Variants in RYR2 observed in about 807,000 individuals in gnomAD.
RYR2 encodes ryanodine receptor 2, also known as cardiac muscle ryanodine receptor-calcium release channel.
RYR2 carries 227 observed loss-of-function variants against 601.1 expected under a neutral mutation model. That is an observed-to-expected ratio of 0.38 (90% confidence interval 0.34 to 0.42). The LOEUF (loss-of-function observed/expected upper bound fraction) is 0.42. RYR2 is among the 10% of genes least tolerant of loss of function. The probability of loss-of-function intolerance (pLI) is 1.00; values close to 1 mark genes in which losing one functional copy is unlikely to be tolerated. For missense variants in RYR2, 4,646 were observed against 6,156.5 expected (o/e 0.75, Z 8.21); for synonymous variants, 2,223 against 2,175.1 (o/e 1.02, Z -0.61).
intron 84 of RYR2, among the ~76,000 whole-genome samples, chr1:237,761,489 A>C (rs1268941006): frequency 6.6e-6 from 1 of 152,142 alleles, no homozygotes; most frequent in African/African-American, 2.4e-5. Flanking sequence ...CCCTTCCAGC[A>C]CAGTGATCCT....
intron 3 of RYR2, among the ~76,000 whole-genome samples, chr1:237,333,423 G>A (rs962831435): frequency 3.9e-5 from 6 of 152,206 alleles, no homozygotes; most frequent in Admixed American, 2.6e-4. Context: ...CAGCCACAGC[G>A]TTGGAGGAGG....
intron 1 of RYR2, among the ~76,000 whole-genome samples, chr1:237,238,029 A>G (rs1457201766): frequency 7.9e-6 from 1 of 125,852 alleles, no homozygotes; most frequent in African/African-American, 2.9e-5. Flanking sequence ...GTGGCGCATC[A>G]TGGCTTATTG....
chr1:237,203,675 A>G (rs534154693), intron 1 of RYR2, among the ~76,000 whole-genome samples: 2 of 152,338 alleles, frequency 1.3e-5, no homozygotes, highest in East Asian at 1.9e-4. Flanking sequence ...TCTAAGCTTC[A>G]TTAAAACTGT....
At chr1:237,701,501 C>T (rs1687965105) in intron 65 of RYR2, among the ~76,000 whole-genome samples, 1 of 151,810 alleles carries the variant, frequency 6.6e-6, no homozygotes, top group Admixed American at 6.6e-5. Flanking sequence ...TGCACTCCAG[C>T]CTGGGTGACA....
In RYR2 at chr1:237,119,527, CAG is replaced by C. The variant is rs561380503; in HGVS notation, c.48+76960_48+76961del. ...ACACTGGGCCCCAGGTGTCCAGAGA[CAG>C]ATATCCAGGTGCAGTGTCAGATGGG... On this transcript the variant is annotated intron_variant, in intron 1 of 104. Transcript: ENST00000366574. Among the ~76,000 whole-genome samples, 26 of 152,296 alleles carry C rather than the reference CAG, an allele frequency of 1.7e-4. No homozygotes were observed. In the East Asian group the frequency reaches 4.8e-3, roughly 28 times the overall value.
At position 237,496,535 on chromosome 1, in the gene RYR2, C is replaced by T. The variant is rs760795266; in HGVS notation, c.1986C>T (p.Gly662=). 1.3e-5 allele frequency: 21 copies of T among 1,613,752 alleles called. No individual in the cohort carries two copies. The highest frequency in any genetic ancestry group is 8.9e-5 in the East Asian group (4 of 44,894). The change falls in exon 20 of 105, where the codon GGC becomes GGT. Residue 662 remains glycine, a synonymous_variant. Coordinates refer to ENST00000366574, the MANE Select transcript of RYR2 (RefSeq NM_001035.3). ...GCATGAGACCCAATATTTTTCTGGGCGTCAGTGAAGGTTCTGCTCAGTATA... is the reference window on the plus strand; with the variant it reads ...GCATGAGACCCAATATTTTTCTGGGTGTCAGTGAAGGTTCTGCTCAGTATA... ...VSSMRPNIFL[G]VSEGSAQYKK...
Position 237,374,742 on chromosome 1 carries a change from G to C in RYR2, c.410G>C (p.Arg137Pro), listed in dbSNP as rs1042124309. The C allele has an allele frequency of 1.2e-6, 2 of 1,612,930 alleles. No homozygotes were observed. The highest frequency in any genetic ancestry group is 8.5e-7 in the Non-Finnish European group (1 of 1,179,428). Residue 137 changes from arginine (R) to proline (P), a missense_variant, in exon 7 of 105, where the codon CGG becomes CCG. Arg to Pro is a moderately radical substitution (Grantham distance 103). This residue lies in a region of RYR2 where 153 missense variants were observed against 203.6 expected (regional missense o/e 0.75). Transcript: ENST00000366574. Reference sequence around the variant, plus strand: ...TATCTGTGCTGCCTGTCCACCTCCCGGTCTTCAACTGATAAGCTGGCTTTT... The same window carrying C: ...TATCTGTGCTGCCTGTCCACCTCCCCGTCTTCAACTGATAAGCTGGCTTTT... ...GMYLCCLSTS[R>P]SSTDKLAFDV...
chr1:237,668,084 C>T (rs1344452593), intron 58 of RYR2, 126 bp downstream of exon 58: 2 of 655,594 alleles, frequency 3.1e-6, no homozygotes, highest in Non-Finnish European at 2.5e-6. Flanking sequence ...TTAATTGTGC[C>T]TGTAACAGAT....
intron 2 of RYR2, among the ~76,000 whole-genome samples, chr1:237,321,883 C>A (rs1382396072): frequency 6.6e-6 from 1 of 152,086 alleles, no homozygotes; most frequent in Non-Finnish European, 1.5e-5. Context: ...AGGATGTTAT[C>A]TACAGAAATA....
chr1:237,669,973 C>T (rs1445828003), intron 58 of RYR2, among the ~76,000 whole-genome samples: 2 of 152,090 alleles, frequency 1.3e-5, no homozygotes, highest in Admixed American at 6.5e-5. Flanking sequence ...GCCGAGATCA[C>T]GCCACTGCAC....
chr1:237,327,850 G>A (rs867669867), intron 2 of RYR2, among the ~76,000 whole-genome samples: 22 of 152,158 alleles, frequency 1.4e-4, no homozygotes, highest in Admixed American at 3.3e-4. Context: ...TTTAGGGAAG[G>A]AAACCAAAGA....
rs1487120980 is a variant in RYR2 at position 237,492,991 on chromosome 1, G to A, written c.1865G>A (p.Gly622Glu). 1 of 1,607,912 alleles carries A rather than the reference G, an allele frequency of 6.2e-7. No homozygotes were observed. Among genetic ancestry groups the A allele is most frequent in the Non-Finnish European group, 8.5e-7 (1 of 1,176,666 alleles). ...DVLCSLCVCH[G>E]VAVRSNQHLI... ...TTGTGCTCACTCTGTGTTTGCCACG[G>A]GGTTGCAGTCCGTTCTAACCAGCAT... Residue 622 changes from glycine to glutamate, a missense_variant, in exon 19 of 105, where the codon GGG becomes GAG. Around this residue, in one of 17 missense-constraint regions of RYR2, gnomAD observed 1,807 missense variants for 2,088.1 expected, o/e 0.87. Coordinates refer to ENST00000366574, the MANE Select transcript of RYR2 (RefSeq NM_001035.3).
At chr1:237,096,422 T>G (rs1056735962) in intron 1 of RYR2, among the ~76,000 whole-genome samples, 1 of 152,226 alleles carries the variant, frequency 6.6e-6, no homozygotes, top group African/African-American at 2.4e-5. Context: ...TTAATTGTTC[T>G]TATGAGAATG....
intron 1 of RYR2, among the ~76,000 whole-genome samples, chr1:237,213,509 G>C (rs915802018): frequency 2.6e-5 from 4 of 152,062 alleles, no homozygotes; most frequent in African/African-American, 7.2e-5. Context: ...TAGTGAGGCT[G>C]AACTTTCTCC....
chr1:237,770,660 T>C (rs1490523352), intron 84 of RYR2, 147 bp from the exon 85 acceptor site: 1 of 523,554 alleles, frequency 1.9e-6, no homozygotes, highest in Non-Finnish European at 3.6e-6. Flanking sequence ...TCTTATGAGC[T>C]TCAGATAGAA....
chr1:237,269,096 G>T (rs563745264), intron 1 of RYR2, among the ~76,000 whole-genome samples: 1 of 129,352 alleles, frequency 7.7e-6, no homozygotes, highest in Non-Finnish European at 1.5e-5. Context: ...AGGCTGGAGC[G>T]CAATGGCACG....
intron 25 of RYR2, among the ~76,000 whole-genome samples, chr1:237,536,885 C>G: frequency 7.2e-6 from 1 of 139,598 alleles, no homozygotes; most frequent in East Asian, 2.1e-4. Context: ...GACTCCATCT[C>G]AAAAAAAAAA....
chr1:237,508,985 G>A (rs965856102), intron 23 of RYR2, among the ~76,000 whole-genome samples: 8 of 151,672 alleles, frequency 5.3e-5, no homozygotes, highest in South Asian at 2.1e-4. Flanking sequence ...CTCGTGATCC[G>A]CCCGCCTCGG....
At chr1:237,292,713 G>A (rs888503585) in intron 2 of RYR2, among the ~76,000 whole-genome samples, 2 of 152,114 alleles carry the variant, frequency 1.3e-5, no homozygotes, top group African/African-American at 2.4e-5. Flanking sequence ...AAGGTTACAC[G>A]TTAAAATTCT....
Sources: gnomAD v4.1 joint callset for allele counts (sites outside exome capture counted in the v4.1 genomes callset) on GRCh38, gnomAD v4.1.1 for gene constraint, gnomAD v4.1.1 regional missense constraint, MANE v1.5 for transcripts, NCBI Gene and HGNC (gene_info 2026-07-23, HGNC 2026-07-21) for gene names.